SP140: variants seen among roughly 807,000 people sequenced by gnomAD.
SP140 encodes the protein nuclear body protein SP140.
A neutral mutation model predicts 125.0 loss-of-function variants in SP140; 81 were observed. The observed-to-expected ratio is 0.65, with a 90% confidence interval of 0.54 to 0.78. The LOEUF (loss-of-function observed/expected upper bound fraction) is 0.78. Ranked by LOEUF, SP140 falls within the 30% of genes least tolerant of loss-of-function variation. SP140 has a pLI of 0.00. For synonymous variants in SP140, 312 were observed against 354.0 expected (o/e 0.88, Z 1.33); for missense variants, 858 against 1,037.0 (o/e 0.83, Z 2.37).
intron 12 of SP140, among the ~76,000 whole-genome samples, chr2:230,267,551 A>G (rs2053310089): frequency 6.6e-6 from 1 of 152,216 alleles, no homozygotes; most frequent in African/African-American, 2.4e-5. Context: ...TACTTTGGAC[A>G]TGACAAAACC....
intron 15 of SP140, among the ~76,000 whole-genome samples, chr2:230,275,505 T>C (rs57153598): frequency 0.013 from 1,906 of 152,310 alleles, 40 homozygotes; most frequent in African/African-American, 0.044. Flanking sequence ...TCGTATAAGA[T>C]GGCAAACCTA....
chr2:230,252,996 A>G (rs1158813136), intron 10 of SP140, among the ~76,000 whole-genome samples: 1 of 152,178 alleles, frequency 6.6e-6, no homozygotes, highest in Non-Finnish European at 1.5e-5. Flanking sequence ...ATGGGATAGG[A>G]TGGATCTAGA....
At chr2:230,297,191 A>G (rs1226779556) in intron 21 of SP140, among the ~76,000 whole-genome samples, 2 of 152,212 alleles carry the variant, frequency 1.3e-5, no homozygotes, top group African/African-American at 2.4e-5. Flanking sequence ...GGCAGATTCT[A>G]GTTGGTAAAA....
chr2:230,248,186 G>C (rs1559250478), intron 8 of SP140, 121 bp downstream of exon 8: 9 of 893,128 alleles, frequency 1.0e-5, no homozygotes, highest in South Asian at 1.7e-5. Context: ...TTGCACAAGA[G>C]CTTCTTTTAC....
chr2:230,247,945 G>T lies in SP140; in HGVS notation c.772G>T (p.Ala258Ser), dbSNP rs1451524780. 3 of 1,613,788 alleles carry T rather than the reference G, an allele frequency of 1.9e-6. No individual in the cohort carries two copies. The highest frequency in any genetic ancestry group is 2.5e-6 in the Non-Finnish European group (3 of 1,179,816). ...AGAAAGCAACGGGATGATAGATGCG[G>T]CAAGGACATACAGCACAGCACCAGG... ...VLESNGMIDA[A>S]RTYSTAPGEK... The change falls in exon 8 of 27, where the codon GCA becomes TCA. Residue 258 changes from alanine to serine, a missense_variant. This residue lies in a region of SP140 where 791 missense variants were observed against 869.5 expected (regional missense o/e 0.91). Transcript: ENST00000392045.
chr2:230,264,378 T>G (rs1310384013), intron 12 of SP140, among the ~76,000 whole-genome samples: 5 of 152,192 alleles, frequency 3.3e-5, no homozygotes, highest in Admixed American at 3.3e-4. Context: ...CTTCACTTCT[T>G]GTATCATATT....
Position 230,237,445 on chromosome 2 carries a change from G to A in SP140, c.237+185G>A, listed in dbSNP as rs950636056. 1.3e-5 allele frequency: 7 copies of A among 554,646 alleles called. No homozygotes were observed. The allele number at this position is 554,646 out of a possible 1,614,324, so 34.4% of individuals were successfully genotyped here. ...CCTTCTTCTGTAGTAAATGTTGGGG[G>A]AGGGCCACAGTGAGGGAGGTGGGGC... On this transcript the variant is annotated intron_variant, in intron 2 of 26. Coordinates refer to ENST00000392045, the MANE Select transcript of SP140 (RefSeq NM_007237.5). The surrounding 1 kb of genome is among the most constrained non-coding windows in gnomAD (Gnocchi z 5.4).
chr2:230,231,320 A>AT (rs1196157781), intron 1 of SP140, among the ~76,000 whole-genome samples: 10 of 150,818 alleles, frequency 6.6e-5, no homozygotes, highest in Admixed American at 4.6e-4. Flanking sequence ...ATGTCTTATA[A>AT]TTTTTTTTTT....
intron 1 of SP140, among the ~76,000 whole-genome samples, chr2:230,227,910 T>C (rs2046697809): frequency 6.6e-6 from 1 of 152,178 alleles, no homozygotes; most frequent in Non-Finnish European, 1.5e-5. Context: ...TTCAATTTTT[T>C]TAACTTCCAC....
chr2:230,195,281 G>T, the SP140 span, among the ~76,000 whole-genome samples: 2 of 152,064 alleles, frequency 1.3e-5, no homozygotes, highest in African/African-American at 4.8e-5. Context: ...TGAATTAGGG[G>T]ATTGAATAAA....
intron 1 of SP140, chr2:230,212,880 CTT>C (rs2044650290): frequency 6.2e-7 from 1 of 1,613,952 alleles, no homozygotes; most frequent in African/African-American, 1.3e-5. Context: ...CTCACTGACT[CTT>C]GGCGCACAGG....
At chr2:230,196,717 A>G in the SP140 span, among the ~76,000 whole-genome samples, 1 of 119,086 alleles carries the variant, frequency 8.4e-6, no homozygotes, top group Non-Finnish European at 1.7e-5. Flanking sequence ...AACAGTCCCC[A>G]GAGTGTGATG....
At chr2:230,222,048 C>T (rs929764393), upstream of SP140, among the ~76,000 whole-genome samples, 3 of 152,084 alleles carry the variant, frequency 2.0e-5, no homozygotes, top group East Asian at 5.8e-4. Context: ...GCCAACATGG[C>T]AAAATCCCGT....
intron 1 of SP140, among the ~76,000 whole-genome samples, chr2:230,206,183 C>G (rs904573654): frequency 8.4e-4 from 128 of 152,224 alleles, no homozygotes; most frequent in African/African-American, 3.0e-3. Context: ...CCATCTATTG[C>G]TCTGTTTCCT....
At chr2:230,243,381 G>A (rs1293907334) in intron 4 of SP140, among the ~76,000 whole-genome samples, 1 of 152,118 alleles carries the variant, frequency 6.6e-6, no homozygotes, top group East Asian at 1.9e-4. Flanking sequence ...AAATTTGCAG[G>A]AGCAGAGAAG....
intron 11 of SP140, among the ~76,000 whole-genome samples, 195 bp downstream of exon 11, chr2:230,253,612 C>T (rs1431499835): frequency 6.6e-6 from 1 of 152,082 alleles, no homozygotes; most frequent in Non-Finnish European, 1.5e-5. Context: ...AGGTGAGCCC[C>T]TGAGTGGAGA....
chr2:230,288,480 T>TCTTC (rs2056705858), intron 18 of SP140, among the ~76,000 whole-genome samples: 1 of 110,518 alleles, frequency 9.0e-6, no homozygotes, highest in Non-Finnish European at 2.0e-5. Context: ...TTTCTTTCTT[T>TCTTC]CTTTCTTTCT....
chr2:230,239,052 G>A, intron 3 of SP140: 2 of 1,399,306 alleles, frequency 1.4e-6, no homozygotes, highest in South Asian at 3.4e-5. Context: ...AAATAAAGAA[G>A]GAATAAAGGG....
chr2:230,223,817 C>T (rs2046012314), upstream of SP140, among the ~76,000 whole-genome samples: 1 of 152,172 alleles, frequency 6.6e-6, no homozygotes, highest in Non-Finnish European at 1.5e-5. Flanking sequence ...GCATGCTTAG[C>T]AAAATGAAGA....
Sources: allele counts gnomAD v4.1 joint callset (sites outside exome capture counted in the v4.1 genomes callset), GRCh38; gene constraint gnomAD v4.1.1; regional missense constraint gnomAD v4.1.1; non-coding constraint Gnocchi (gnomAD v3.1); transcripts MANE v1.5; gene names NCBI Gene and HGNC (gene_info 2026-07-23, HGNC 2026-07-21).